The following RNF212 variants were observed in gnomAD, a reference collection of about 807,000 sequenced individuals.
RNF212 encodes ring finger protein 212.
In RNF212, 33 loss-of-function variants were observed where a neutral mutation model predicts 34.7. The ratio of observed to expected loss-of-function variants is 0.95; its 90% confidence interval spans 0.72 to 1.27. The LOEUF (loss-of-function observed/expected upper bound fraction) is 1.27. Ranked by LOEUF, RNF212 falls within the 50% of genes most tolerant of loss-of-function variation. The probability of loss-of-function intolerance (pLI) is 0.00; values close to 1 mark genes in which losing one functional copy is unlikely to be tolerated. For synonymous variants in RNF212, 140 were observed against 136.1 expected (o/e 1.03, Z -0.20); for missense variants, 377 against 362.2 (o/e 1.04, Z -0.33).
intron 1 of RNF212, among the ~76,000 whole-genome samples, chr4:1,112,098 C>A (rs1275336684): frequency 6.6e-6 from 1 of 152,148 alleles, no homozygotes; most frequent in African/African-American, 2.4e-5. Context: ...GCCCCGCTAC[C>A]CTGGAGGCTG....
At chr4:1,101,121 G>A (rs1723912893) in intron 2 of RNF212, 1 of 165,542 alleles carries the variant, frequency 6.0e-6, no homozygotes, top group African/African-American at 2.4e-5. Flanking sequence ...GAGTTGGTGT[G>A]ACCAGTATGA....
At chr4:1,081,017 G>T (rs2153042939) in intron 7 of RNF212, among the ~76,000 whole-genome samples, 1 of 152,336 alleles carries the variant, frequency 6.6e-6, no homozygotes, top group African/African-American at 2.4e-5. Flanking sequence ...CCATGGGTTG[G>T]GTAATGGGTT....
At chr4:1,082,241 G>C (rs1373193502) in intron 5 of RNF212, among the ~76,000 whole-genome samples, 1 of 152,206 alleles carries the variant, frequency 6.6e-6, no homozygotes, top group Admixed American at 6.5e-5. Flanking sequence ...AGCAACCCTG[G>C]ACTGATCTCC....
At chr4:1,083,261 G>C (rs1018851728) in intron 5 of RNF212, among the ~76,000 whole-genome samples, 1 of 152,218 alleles carries the variant, frequency 6.6e-6, no homozygotes, top group African/African-American at 2.4e-5. Flanking sequence ...CATAAAAGAC[G>C]AAGATGCAAC....
In RNF212 at chr4:1,081,441, G is replaced by A. The variant is rs1720322790; in HGVS notation, c.442C>T (p.Pro148Ser). Residue 148 changes from proline (P) to serine (S), a missense_variant, in exon 7 of 10, where the codon CCT becomes TCT. Transcript: ENST00000433731. ...CACCTGTCGGGGGCTGATGAGTGAG[G>A]TGGCAGCAGGCATCCGTGTGGTTTT... ...STKPHGCLLP[P>S]HSSAPDRLES... 2.5e-6 allele frequency: 4 copies of A among 1,613,942 alleles called. No homozygotes were observed. Among genetic ancestry groups the A allele is most frequent in the Non-Finnish European group, 3.4e-6 (4 of 1,179,892 alleles).
intron 2 of RNF212, among the ~76,000 whole-genome samples, chr4:1,098,965 G>A (rs1194365791): frequency 6.6e-6 from 1 of 152,174 alleles, no homozygotes; most frequent in Non-Finnish European, 1.5e-5. Flanking sequence ...CTGGTTCCAT[G>A]GCCTTCTGGG....
intron 3 of RNF212, among the ~76,000 whole-genome samples, chr4:1,066,349 G>C (rs1179350531): frequency 1.3e-5 from 2 of 152,034 alleles, no homozygotes; most frequent in Non-Finnish European, 2.9e-5. Flanking sequence ...TTTTTTCTGA[G>C]ACAGGGTCTC....
rs199734209 is a variant in RNF212, at chr4:1,073,066, C to T, written c.702G>A (p.Leu234=). The change falls in exon 10 of 10, where the codon CTG becomes CTA. Residue 234 remains leucine (L), a synonymous_variant. Coordinates refer to ENST00000433731, the MANE Select transcript of RNF212 (RefSeq NM_001131034.4). Reference sequence around the variant, plus strand: ...TTCCAGAACTGAACGCTAGGAGGAGCAGCCAGTGAGGACAGACGTCTATGC... The same window carrying T: ...TTCCAGAACTGAACGCTAGGAGGAGTAGCCAGTGAGGACAGACGTCTATGC... ...CFCIDVCPHW[L]LLLAFSSGRH... The T allele has an allele frequency of 6.2e-7, 1 of 1,614,036 alleles. No individual in the cohort carries two copies. Among genetic ancestry groups the T allele is most frequent in the Non-Finnish European group, 8.5e-7 (1 of 1,180,014 alleles).
In RNF212 at chr4:1,090,831, T is replaced by C; in HGVS notation, c.254A>G (p.Glu85Gly). 1 of 1,589,490 alleles carries C rather than the reference T, an allele frequency of 6.3e-7. No homozygotes were observed. Among genetic ancestry groups the C allele is most frequent in the Middle Eastern group, 1.8e-4 (1 of 5,638 alleles). The part of the protein sequence containing the change: ...KYSRETSQIL[E>G]FQEKHRKRLL... ...TCTCTTCCTGTGTTTTTCTTGAAAT[T>C]CTAAAATCTGAAAAGATCATAGGTT... The change falls in exon 4 of 10, where the codon GAA becomes GGA. Residue 85 changes from glutamate to glycine, a missense_variant. Physicochemically the swap from Glu to Gly is moderately conservative, Grantham distance 98 (BLOSUM62 -2). Coordinates refer to ENST00000433731, the MANE Select transcript of RNF212 (RefSeq NM_001131034.4).
At chr4:1,085,976 CTT>C (rs768205702) in intron 4 of RNF212, 22 bp from the exon 5 acceptor site, 1 of 1,552,640 alleles carries the variant, frequency 6.4e-7, no homozygotes, top group Non-Finnish European at 8.9e-7. Context: ...TACACAACCT[CTT>C]GTTATCAGAC....
At chr4:1,077,121 G>A (rs547506477) in intron 8 of RNF212, among the ~76,000 whole-genome samples, 5 of 152,122 alleles carry the variant, frequency 3.3e-5, no homozygotes, top group African/African-American at 9.7e-5. Flanking sequence ...CCAGCTACTC[G>A]GGAGGCTGAG....
At chr4:1,091,027 G>A (rs1193240135) in intron 3 of RNF212, among the ~76,000 whole-genome samples, 189 bp from the exon 4 acceptor site, 1 of 152,224 alleles carries the variant, frequency 6.6e-6, no homozygotes, top group African/African-American at 2.4e-5. Context: ...ACACAGGGGA[G>A]GCTTAATGGG....
chr4:1,099,266 G>A (rs1560150562), intron 2 of RNF212, among the ~76,000 whole-genome samples: 1 of 152,152 alleles, frequency 6.6e-6, no homozygotes, highest in Non-Finnish European at 1.5e-5. Flanking sequence ...TCAAGAAAAA[G>A]ACATTTTTTT....
chr4:1,077,501 G>A (rs950668143), intron 8 of RNF212, among the ~76,000 whole-genome samples: 1 of 152,150 alleles, frequency 6.6e-6, no homozygotes, highest in Non-Finnish European at 1.5e-5. Context: ...CCAAAGTGCT[G>A]AAGTTATAGG....
At chr4:1,077,890 G>A (rs1380017137) in intron 8 of RNF212, among the ~76,000 whole-genome samples, 1 of 152,226 alleles carries the variant, frequency 6.6e-6, no homozygotes, top group Non-Finnish European at 1.5e-5. Flanking sequence ...CGTGTTGCCG[G>A]TGGGTGTGGG....
intron 8 of RNF212, among the ~76,000 whole-genome samples, chr4:1,073,918 A>G (rs1028491976): frequency 6.6e-6 from 1 of 151,998 alleles, no homozygotes; most frequent in African/African-American, 2.4e-5. Flanking sequence ...AAAACAGTGA[A>G]CGGATAAAGG....
chr4:1,106,118 T>C (rs1389161812), intron 2 of RNF212, among the ~76,000 whole-genome samples: 4 of 152,016 alleles, frequency 2.6e-5, no homozygotes, highest in Non-Finnish European at 2.9e-5. Flanking sequence ...GCAGCTCCTA[T>C]AGGGGGGTGA....
At chr4:1,104,905 T>C (rs898419775) in intron 2 of RNF212, among the ~76,000 whole-genome samples, 3 of 152,012 alleles carry the variant, frequency 2.0e-5, no homozygotes, top group Non-Finnish European at 4.4e-5. Context: ...AGAACACAGG[T>C]GCACGTCATG....
intron 3 of RNF212, chr4:1,093,527 G>C (rs1403667433): frequency 1.3e-6 from 2 of 1,527,092 alleles, no homozygotes; most frequent in Non-Finnish European, 1.8e-6. Context: ...GAGGTCACTG[G>C]GCAGAGCCTG....
Sources: gnomAD v4.1 joint callset for allele counts (sites outside exome capture counted in the v4.1 genomes callset) on GRCh38, gnomAD v4.1.1 for gene constraint, MANE v1.5 for transcripts, NCBI Gene and HGNC (gene_info 2026-07-23, HGNC 2026-07-21) for gene names.